Variants in KCNC2 observed in about 807,000 individuals in gnomAD.
The protein encoded by KCNC2 is potassium voltage-gated channel subfamily C member 2.
In KCNC2, 21 loss-of-function variants were observed where a neutral mutation model predicts 44.5. The ratio of observed to expected loss-of-function variants is 0.47; its 90% CI spans 0.33 to 0.68. The LOEUF is 0.68. Among genes scored for constraint, KCNC2 ranks in the 30% least tolerant of loss-of-function variants. The pLI, the probability that KCNC2 is intolerant of heterozygous loss-of-function variation, is 0.01. For synonymous variants in KCNC2, 391 were observed against 339.1 expected, an observed-to-expected ratio of 1.15 and a Z score of -1.68; for missense variants, 589 against 826.2, an observed-to-expected ratio of 0.71 and a Z score of 3.52.
At chr12:75,064,593 G>A (rs1882646937) in intron 2 of KCNC2, among the ~76,000 whole-genome samples, 1 of 151,960 alleles carries the variant, frequency 6.6e-6, no homozygotes, top group African/African-American at 2.4e-5. Flanking sequence ...TTATTTGTTG[G>A]TATTGTTATT....
At chr12:75,189,257 T>C (rs946593099) in intron 2 of KCNC2, among the ~76,000 whole-genome samples, 2 of 152,160 alleles carry the variant, frequency 1.3e-5, no homozygotes, top group African/African-American at 4.8e-5. Flanking sequence ...TCATTAGTGT[T>C]TTGATAGTTC....
At chr12:75,129,143 C>T (rs148311060) in intron 2 of KCNC2, among the ~76,000 whole-genome samples, 32 of 152,250 alleles carry the variant, frequency 2.1e-4, no homozygotes, top group African/African-American at 7.7e-4. Context: ...AAGCTACTGT[C>T]TTATAAAGAC....
chr12:75,141,362 A>G (rs569773216), intron 2 of KCNC2, among the ~76,000 whole-genome samples: 18 of 152,362 alleles, frequency 1.2e-4, no homozygotes, highest in Admixed American at 8.5e-4. Context: ...AGGATTAAAT[A>G]AATCGATAAA....
At chr12:75,125,195 A>T (rs1165296453) in intron 2 of KCNC2, among the ~76,000 whole-genome samples, 1 of 152,202 alleles carries the variant, frequency 6.6e-6, no homozygotes, top group Non-Finnish European at 1.5e-5. Flanking sequence ...CACATGTTCT[A>T]CCGTGACTGG....
chr12:75,069,646 C>G (rs561475817), intron 2 of KCNC2, among the ~76,000 whole-genome samples: 1 of 152,100 alleles, frequency 6.6e-6, no homozygotes, highest in South Asian at 2.1e-4. Context: ...TTTGTATTAC[C>G]TTAAAAGAAG....
At position 75,144,563 on chromosome 12, in the gene KCNC2, T is replaced by C. The variant is rs975163780; in HGVS notation, c.687+62734A>G. ...GAGTTTGAGACCAGCCTAGGAACCA[T>C]AGGAAGACTGTCTGTAAAATATATA... On this transcript the variant is annotated intron_variant, in intron 2 of 4. Transcript: ENST00000549446. Among the ~76,000 whole-genome samples the C allele has an allele frequency of 3.9e-5, 6 of 152,186 alleles. No homozygotes were observed. In the East Asian group the frequency reaches 5.8e-4, roughly 15 times the overall value.
intron 2 of KCNC2, among the ~76,000 whole-genome samples, chr12:75,187,504 G>C (rs1484785952): frequency 1.3e-5 from 2 of 152,118 alleles, no homozygotes; most frequent in Non-Finnish European, 2.9e-5. Flanking sequence ...TCGACTGCTT[G>C]TTCCTCACTT....
At chr12:75,176,822 G>A (rs868855636) in intron 2 of KCNC2, among the ~76,000 whole-genome samples, 1 of 151,616 alleles carries the variant, frequency 6.6e-6, no homozygotes, top group Non-Finnish European at 1.5e-5. Context: ...CAGGTCCTGG[G>A]AATTTGACCA....
At chr12:75,043,782 G>A (rs762391437) in intron 4 of KCNC2, 41 of 1,511,624 alleles carry the variant, frequency 2.7e-5, no homozygotes, top group Non-Finnish European at 2.9e-5. Flanking sequence ...CATTATCCAG[G>A]TGATGTAGGA....
chr12:75,081,887 T>G (rs944184213), intron 2 of KCNC2, among the ~76,000 whole-genome samples: 5 of 151,988 alleles, frequency 3.3e-5, no homozygotes, highest in African/African-American at 1.2e-4. Flanking sequence ...CTGTACCAAA[T>G]CTACAAGAGC....
At chr12:75,128,763 A>G (rs1322055641) in intron 2 of KCNC2, among the ~76,000 whole-genome samples, 1 of 152,170 alleles carries the variant, frequency 6.6e-6, no homozygotes, top group Non-Finnish European at 1.5e-5. Context: ...AGGGATGGAG[A>G]AATGCATACA....
chr12:75,077,926 T>C (rs893347423), intron 2 of KCNC2, among the ~76,000 whole-genome samples: 12 of 152,086 alleles, frequency 7.9e-5, no homozygotes, highest in Non-Finnish European at 1.3e-4. Flanking sequence ...AAACCCTAAA[T>C]ATTACATATT....
chr12:75,160,803 A>C (rs1439614908), intron 2 of KCNC2, among the ~76,000 whole-genome samples: 1 of 151,818 alleles, frequency 6.6e-6, no homozygotes, highest in African/African-American at 2.4e-5. Context: ...CATCTCAGTT[A>C]AGTGCATTAT....
At chr12:75,043,540 A>G in intron 4 of KCNC2, 2 of 1,214,434 alleles carry the variant, frequency 1.6e-6, no homozygotes, top group Non-Finnish European at 2.1e-6. Context: ...AACTCATTTA[A>G]AAATTAGGCA....
At chr12:75,161,891 G>GAC (rs1891147960) in intron 2 of KCNC2, among the ~76,000 whole-genome samples, 1 of 151,662 alleles carries the variant, frequency 6.6e-6, no homozygotes, top group Non-Finnish European at 1.5e-5. Context: ...GAAATAGGAA[G>GAC]ACACATTGAG....
intron 2 of KCNC2, among the ~76,000 whole-genome samples, chr12:75,205,300 C>A (rs762522661): frequency 5.3e-5 from 8 of 152,134 alleles, no homozygotes; most frequent in Non-Finnish European, 1.2e-4. Flanking sequence ...CTTGACTAAA[C>A]GTGACCTCAA....
At chr12:75,152,986 G>A (rs935879912) in intron 2 of KCNC2, among the ~76,000 whole-genome samples, 2 of 152,000 alleles carry the variant, frequency 1.3e-5, no homozygotes, top group Non-Finnish European at 2.9e-5. Flanking sequence ...TGGGGGCGAC[G>A]TGAAAAGCAC....
chr12:75,172,787 C>T (rs1891922477), intron 2 of KCNC2, among the ~76,000 whole-genome samples: 1 of 151,864 alleles, frequency 6.6e-6, no homozygotes, highest in South Asian at 2.1e-4. Context: ...GCTGCAACCG[C>T]AAGGCTACTA....
chr12:75,106,088 C>T (rs560454348), intron 2 of KCNC2, among the ~76,000 whole-genome samples: 28 of 151,978 alleles, frequency 1.8e-4, no homozygotes, highest in Middle Eastern at 3.4e-3. Context: ...GGAAACCAGA[C>T]GGTCTGAAAA....
Sources: allele counts gnomAD v4.1 joint callset (sites outside exome capture counted in the v4.1 genomes callset), GRCh38; gene constraint gnomAD v4.1.1; transcripts MANE v1.5; gene names NCBI Gene and HGNC (gene_info 2026-07-23, HGNC 2026-07-21).